GMPR2: variants seen among roughly 807,000 people sequenced by gnomAD.
The protein encoded by GMPR2 is guanosine monophosphate reductase 2.
GMPR2 carries 32 observed loss-of-function variants against 38.5 expected under a neutral mutation model. That is an observed-to-expected ratio of 0.83 (90% CI 0.63 to 1.12). GMPR2 has a LOEUF of 1.12. Ranked by LOEUF, GMPR2 falls within the 50% of genes most tolerant of loss-of-function variation. GMPR2 has a pLI of 0.00. For missense variants in GMPR2, 396 were observed against 432.1 expected, an observed-to-expected ratio of 0.92 and a Z score of 0.74; for synonymous variants, 154 against 151.0, an observed-to-expected ratio of 1.02 and a Z score of -0.15.
At chr14:24,232,810 T>A (rs2040106133), upstream of GMPR2, 1 of 239,968 alleles carries the variant, frequency 4.2e-6, no homozygotes, top group Non-Finnish European at 8.3e-6. Context: ...AGCAAGGTGG[T>A]CTTTGGTCAA....
intron 3 of GMPR2, chr14:24,235,410 CT>C (rs1404008064): frequency 2.9e-6 from 1 of 346,700 alleles, no homozygotes; most frequent in Non-Finnish European, 5.3e-6. Context: ...CTTCATGGTT[CT>C]TTCATGTCTG....
chr14:24,234,355 T>A (rs2040237173), intron 3 of GMPR2: 1 of 497,662 alleles, frequency 2.0e-6, no homozygotes, highest in African/African-American at 2.0e-5. Flanking sequence ...AAGGACTTCA[T>A]ATCCTTTTTC....
At chr14:24,234,248 A>T (rs2040228579) in intron 3 of GMPR2, 1 of 1,288,640 alleles carries the variant, frequency 7.8e-7, no homozygotes, top group Non-Finnish European at 1.0e-6. Flanking sequence ...GAAGGTAGAG[A>T]GTTATCTGGG....
Position 24,237,279 on chromosome 14 carries a change from G to C in GMPR2, c.582G>C (p.Val194=), listed in dbSNP as rs766479707. 9 of 1,611,702 alleles carry C rather than the reference G, an allele frequency of 5.6e-6. No individual in the cohort carries two copies. In the Admixed American group the frequency reaches 1.2e-4, roughly 21 times the overall value. Residue 194 remains valine (V), a synonymous_variant, in exon 7 of 10, where the codon GTG becomes GTC. Transcript: ENST00000399440. ...GTACTACTCGGAAGAAAACTGGAGTGGGGTATCCACAGCTCAGCGCAGTGA... is the reference window on the plus strand; with the variant it reads ...GTACTACTCGGAAGAAAACTGGAGTCGGGTATCCACAGCTCAGCGCAGTGA... ...SVCTTRKKTG[V]GYPQLSAVME...
At position 24,237,337 on chromosome 14, in the gene GMPR2, G is replaced by A. The variant is rs1265337956; in HGVS notation, c.640G>A (p.Gly214Ser). The A allele has an allele frequency of 1.2e-6, 2 of 1,603,628 alleles. No individual in the cohort carries two copies. The highest frequency in any genetic ancestry group is 1.7e-6 in the Non-Finnish European group (2 of 1,170,452). Residue 214 changes from glycine (G) to serine (S), a missense_variant, in exon 7 of 10, where the codon GGC (glycine) becomes AGC (serine). By Grantham distance (56) the Gly-to-Ser change is moderately conservative. Transcript: ENST00000399440. The part of the protein sequence containing the change: ...ECADAAHGLK[G>S]HIISDGGCSC... ...TGCAGATGCTGCTCATGGCCTCAAA[G>A]GCCACATCATTTCAGTAAGGCTCAA...
In GMPR2 at chr14:24,233,252, C is replaced by T. The variant is rs931642902; in HGVS notation, c.-2C>T. The T allele has an allele frequency of 2.5e-6, 4 of 1,614,048 alleles. No individual in the cohort carries two copies. In the African/African-American group the frequency reaches 4.0e-5, roughly 16 times the overall value. ...TTCATCGCTACCCCGAGGCTAAGCG[C>T]CATGCCTCATATTGACAACGATGTG... On this transcript the variant is annotated 5_prime_UTR_variant, in exon 2 of 10. Transcript: ENST00000399440.
In GMPR2 at chr14:24,237,357, G is replaced by C. The variant is rs370803970; in HGVS notation, c.654+6G>C. On this transcript the variant is annotated splice_donor_region_variant and intron_variant, in intron 7 of 9. Transcript: ENST00000399440. ...TCAAAGGCCACATCATTTCAGTAAG[G>C]CTCAAGGGCAGGGTAGGGTATGAGC... 23 of 1,572,088 alleles carry C rather than the reference G, an allele frequency of 1.5e-5. No individual in the cohort carries two copies. The African/African-American group carries it at 2.8e-4, about 19-fold the overall frequency.
chr14:24,233,581 G>C lies in GMPR2; in HGVS notation c.190G>C (p.Ala64Pro), dbSNP rs2040180615. The C allele has an allele frequency of 6.2e-7, 1 of 1,613,938 alleles. No homozygotes were observed. The highest frequency in any genetic ancestry group is 1.3e-5 in the African/African-American group (1 of 74,886). ...GGATACTGTGGGCACCTTTGAGATG[G>C]CCAAGGTTCTCTGTAAGGTAGGGCT... is the stretch of plus-strand genomic sequence containing the variant. ...NMDTVGTFEM[A>P]KVLCKFSLFT... The change falls in exon 3 of 10, where the codon GCC becomes CCC. Residue 64 changes from alanine to proline, a missense_variant. Transcript: ENST00000399440.
In GMPR2 at chr14:24,236,111, C is replaced by A; in HGVS notation, c.436C>A (p.Arg146=). The A allele has an allele frequency of 6.2e-7, 1 of 1,614,000 alleles. No homozygotes were observed. Among genetic ancestry groups the A allele is most frequent in the South Asian group, 1.1e-5 (1 of 91,074 alleles). The change falls in exon 5 of 10, where the codon CGG becomes AGG. Residue 146 remains arginine, a synonymous_variant. Coordinates refer to ENST00000399440, the MANE Select transcript of GMPR2 (RefSeq NM_001002002.3). ...EHFVEFVKDV[R]KRFPQHTIMA... ...CTTTGTTGAATTTGTAAAAGATGTA[C>A]GGAAGCGCTTCCCCCAGCACACCAT...
chr14:24,235,385 G>A (rs2040288789), intron 3 of GMPR2: 1 of 309,596 alleles, frequency 3.2e-6, no homozygotes, highest in East Asian at 7.3e-5. Flanking sequence ...GAGAAACACA[G>A]GCTCCATCCA....
At position 24,232,953 on chromosome 14, in the gene GMPR2, G is replaced by T. The variant is rs574983532; in HGVS notation, c.-60G>T. ...CCTCTTGCCCCATTGCTCTTTGCAG[G>T]GGTAGAAGAAGGAAGTGTAGCGGGG... On this transcript the variant is annotated 5_prime_UTR_variant, in exon 1 of 10. Transcript: ENST00000399440. 93 of 535,264 alleles carry T rather than the reference G, an allele frequency of 1.7e-4. 3 individuals are homozygous for T. In the South Asian group the frequency reaches 2.1e-3, roughly 12 times the overall value. 33.2% of individuals were successfully genotyped at this position (535,264 alleles called of 1,614,324 possible).
At chr14:24,238,471 G>T (rs768787377) in intron 9 of GMPR2, 66 bp downstream of exon 9, 3 of 1,614,108 alleles carry the variant, frequency 1.9e-6, no homozygotes, top group Non-Finnish European at 2.5e-6. Flanking sequence ...CTGAGAGGGG[G>T]ATGGTACAGT....
chr14:24,233,933 C>T (rs990131341), intron 3 of GMPR2, among the ~76,000 whole-genome samples: 1 of 152,118 alleles, frequency 6.6e-6, no homozygotes, highest in Admixed American at 6.5e-5. Flanking sequence ...TTCAGTTATG[C>T]GATTGTCCAC....
chr14:24,238,813 C>T lies in GMPR2; in HGVS notation c.*35C>T. The T allele has an allele frequency of 1.3e-6, 2 of 1,584,818 alleles. No homozygotes were observed. Among genetic ancestry groups the T allele is most frequent in the Non-Finnish European group, 1.7e-6 (2 of 1,160,488 alleles). On this transcript the variant is annotated 3_prime_UTR_variant, in exon 10 of 10. Coordinates refer to ENST00000399440, the MANE Select transcript of GMPR2 (RefSeq NM_001002002.3). ...GTTCTACCCTCCCAAGGCACCAGTA[C>T]TCTACCATGGGGCATCCCAAGTGGG...
At position 24,233,580 on chromosome 14, in the gene GMPR2, G is replaced by A. The variant is rs751714577; in HGVS notation, c.189G>A (p.Met63Ile). The change falls in exon 3 of 10, where the codon ATG becomes ATA. Residue 63 changes from methionine (M) to isoleucine (I), a missense_variant. By Grantham distance (10) the Met-to-Ile change is conservative (BLOSUM62 1). Coordinates refer to ENST00000399440, the MANE Select transcript of GMPR2 (RefSeq NM_001002002.3). ...ANMDTVGTFE[M>I]AKVLCKFSLF... ...TGGATACTGTGGGCACCTTTGAGAT[G>A]GCCAAGGTTCTCTGTAAGGTAGGGC... 2 of 1,614,078 alleles carry A rather than the reference G, an allele frequency of 1.2e-6. No individual in the cohort carries two copies. The highest frequency in any genetic ancestry group is 1.1e-5 in the South Asian group (1 of 91,082).
intron 5 of GMPR2, among the ~76,000 whole-genome samples, 164 bp downstream of exon 5, chr14:24,236,304 G>T (rs999342658): frequency 2.0e-5 from 3 of 152,040 alleles, no homozygotes; most frequent in Non-Finnish European, 4.4e-5. Flanking sequence ...TGTCTATTTG[G>T]TCAGTGTAGT....
chr14:24,236,587 C>T (rs991523905), intron 5 of GMPR2, among the ~76,000 whole-genome samples: 2 of 152,194 alleles, frequency 1.3e-5, no homozygotes, highest in Non-Finnish European at 2.9e-5. Context: ...GGGTCTTTAG[C>T]CTATACTACC....
rs1238691702 is a variant in GMPR2 at position 24,238,628 on chromosome 14, A to C, written c.897A>C (p.Gly299=). Residue 299 remains glycine (G), a synonymous_variant, in exon 10 of 10, where the codon GGA becomes GGC. Transcript: ENST00000399440. ...EGKTVEVPFK[G]DVEHTIRDIL... is the part of the protein sequence containing the mutation. Reference sequence around the variant, plus strand: ...AGACAGTGGAAGTTCCTTTTAAAGGAGATGTGGAACATACCATCCGAGACA... The same window carrying C: ...AGACAGTGGAAGTTCCTTTTAAAGGCGATGTGGAACATACCATCCGAGACA... 1 of 1,614,034 alleles carries C rather than the reference A, an allele frequency of 6.2e-7. No individual in the cohort carries two copies. Among genetic ancestry groups the C allele is most frequent in the Non-Finnish European group, 8.5e-7 (1 of 1,180,014 alleles).
chr14:24,233,451 A>G (rs556169135), intron 2 of GMPR2, 28 bp from the exon 3 acceptor site: 501 of 1,609,650 alleles, frequency 3.1e-4, no homozygotes, highest in Non-Finnish European at 4.0e-4. Context: ...GATTAATGAA[A>G]TGGTCAATTT....
Sources: gnomAD v4.1 joint callset for allele counts (sites outside exome capture counted in the v4.1 genomes callset) on GRCh38, gnomAD v4.1.1 for gene constraint, MANE v1.5 for transcripts, NCBI Gene and HGNC (gene_info 2026-07-23, HGNC 2026-07-21) for gene names.